EZH1: variants seen among roughly 807,000 people sequenced by gnomAD.
EZH1 encodes enhancer of zeste 1 polycomb repressive complex 2 subunit.
EZH1 carries 33 observed loss-of-function variants against 100.5 expected under a neutral mutation model. The ratio of observed to expected loss-of-function variants is 0.33; its 90% CI spans 0.25 to 0.44. The LOEUF (loss-of-function observed/expected upper bound fraction) is 0.44, where lower values mean the gene tolerates loss of function less well. Among genes scored for constraint, EZH1 ranks in the 20% least tolerant of loss-of-function variants. The pLI is 1.00. For missense variants in EZH1, 475 were observed against 928.4 expected (o/e 0.51, Z 6.35); for synonymous variants, 272 against 313.8 (o/e 0.87, Z 1.41).
intron 12 of EZH1, 73 bp from the exon 13 acceptor site, chr17:42,710,010 G>T: frequency 1.5e-6 from 2 of 1,340,616 alleles, no homozygotes; most frequent in African/African-American, 1.4e-5. Flanking sequence ...CTGGGTGCTG[G>T]CCTTGGGAGG....
At chr17:42,730,718 G>A (rs1016871565) in intron 2 of EZH1, 110 bp downstream of exon 2, 8 of 250,480 alleles carry the variant, frequency 3.2e-5, no homozygotes, top group African/African-American at 1.6e-4. Context: ...GGATGGTCTC[G>A]ATCTCCTGAC....
At chr17:42,728,606 G>A (rs1251764225) in intron 3 of EZH1, among the ~76,000 whole-genome samples, 2 of 151,296 alleles carry the variant, frequency 1.3e-5, no homozygotes, top group Non-Finnish European at 2.9e-5. Context: ...GCCGGGCGTG[G>A]TGGCAGGCGC....
chr17:42,739,792 T>C (rs2054142107), intron 1 of EZH1, among the ~76,000 whole-genome samples: 1 of 152,046 alleles, frequency 6.6e-6, no homozygotes, highest in Non-Finnish European at 1.5e-5. Flanking sequence ...GGATTAGTTT[T>C]TTTTTTTTTG....
intron 1 of EZH1, among the ~76,000 whole-genome samples, chr17:42,737,919 G>A (rs1415984070): frequency 6.6e-6 from 1 of 152,084 alleles, no homozygotes; most frequent in Admixed American, 6.6e-5. Context: ...GCTCACGCCT[G>A]CAATCACAGC....
intron 12 of EZH1, among the ~76,000 whole-genome samples, chr17:42,710,652 G>A (rs1460068523): frequency 2.1e-5 from 3 of 144,464 alleles, no homozygotes; most frequent in East Asian, 4.1e-4. Context: ...TTTTTTAAGA[G>A]AGAGGGTCTC....
chr17:42,742,141 CTT>C (rs781134584), intron 1 of EZH1, among the ~76,000 whole-genome samples: 3 of 141,212 alleles, frequency 2.1e-5, no homozygotes, highest in African/African-American at 5.2e-5. Context: ...TGCTGTCTCT[CTT>C]TTTTTTTTTT....
In EZH1 at chr17:42,710,324, G is replaced by A. The variant is rs139956652; in HGVS notation, c.1402-387C>T. Among the ~76,000 whole-genome samples, 74 of 152,312 alleles carry A rather than the reference G, an allele frequency of 4.9e-4. No individual in the cohort carries two copies. The South Asian group carries it at 7.9e-3, about 16-fold the overall frequency. ...AGGCAGGACAGGACAGGACAGGAAT[G>A]GTTTCAGTGGGCTAAATATTAGCTC... On this transcript the variant is annotated intron_variant, in intron 12 of 20. Transcript: ENST00000428826.
intron 13 of EZH1, 46 bp downstream of exon 13, chr17:42,709,800 G>C: frequency 6.3e-7 from 1 of 1,580,084 alleles, no homozygotes; most frequent in South Asian, 1.1e-5. Context: ...AGAGCACAGG[G>C]AACAGCCTGG....
chr17:42,742,009 G>A (rs1002423945), intron 1 of EZH1, among the ~76,000 whole-genome samples: 1 of 152,090 alleles, frequency 6.6e-6, no homozygotes, highest in Admixed American at 6.6e-5. Context: ...GTTGTTTGAA[G>A]GTATCATCCA....
intron 4 of EZH1, among the ~76,000 whole-genome samples, chr17:42,725,760 C>G (rs1449215366): frequency 1.3e-5 from 2 of 152,204 alleles, no homozygotes; most frequent in African/African-American, 2.4e-5. Context: ...AACTTTAAGA[C>G]AGTGGACATC....
At position 42,728,833 on chromosome 17, in the gene EZH1, C is replaced by T; in HGVS notation, c.109G>A (p.Gly37Ser). 6.2e-7 allele frequency: 1 copy of T among 1,612,760 alleles called. No homozygotes were observed. The highest frequency in any genetic ancestry group is 8.5e-7 in the Non-Finnish European group (1 of 1,179,570). Reference sequence around the variant, plus strand: ...TGGGAATTATTTTTTACCTTTGCACCCATATTTGCCTGAAGCCGTTTAAGT... The same window carrying T: ...TGGGAATTATTTTTTACCTTTGCACTCATATTTGCCTGAAGCCGTTTAAGT... ...RQLKRLQANM[G>S]AKALYVANFA... Residue 37 changes from glycine to serine, a missense_variant, in exon 3 of 21, where the codon GGT becomes AGT. Transcript: ENST00000428826.
chr17:42,715,284 A>AT (rs1475943754), intron 10 of EZH1, among the ~76,000 whole-genome samples: 1 of 144,936 alleles, frequency 6.9e-6, no homozygotes, highest in African/African-American at 2.5e-5. Context: ...ATATATATAT[A>AT]TTTTTTTGAG....
At chr17:42,717,243 C>T (rs1309774546) in intron 10 of EZH1, among the ~76,000 whole-genome samples, 2 of 152,106 alleles carry the variant, frequency 1.3e-5, no homozygotes, top group Admixed American at 6.6e-5. Flanking sequence ...AACCCAATAA[C>T]GTCTATTCTT....
chr17:42,708,166 C>A, intron 14 of EZH1, 83 bp from the exon 15 acceptor site: 1 of 1,479,770 alleles, frequency 6.8e-7, no homozygotes, highest in South Asian at 1.3e-5. Flanking sequence ...TGCCCTGATT[C>A]AGAGGAGGCT....
At chr17:42,742,507 G>C (rs1377363311) in intron 1 of EZH1, among the ~76,000 whole-genome samples, 1 of 152,068 alleles carries the variant, frequency 6.6e-6, no homozygotes, top group Non-Finnish European at 1.5e-5. Flanking sequence ...ACACTTTAAG[G>C]AATTTTAAGC....
At chr17:42,717,859 A>T in intron 10 of EZH1, 117 bp downstream of exon 10, 1 of 874,388 alleles carries the variant, frequency 1.1e-6, no homozygotes, top group Non-Finnish European at 1.8e-6. Context: ...GGAGCTCCTT[A>T]AGAGCAAAAG....
At chr17:42,722,148 C>CA (rs66555154) in intron 6 of EZH1, among the ~76,000 whole-genome samples, 34 of 38,914 alleles carry the variant, frequency 8.7e-4, no homozygotes, top group East Asian at 2.0e-3. Flanking sequence ...GACTCTGTCT[C>CA]AAAAAAAAAA....
rs762694037 is a variant in EZH1, at chr17:42,731,017, C to A, written c.-102-99G>T. ...TTTTCCCCCAGAATCAGAAAGACTTCAAGGTTTCTCCTACTATTTTTGTAT... is the reference window on the plus strand; with the variant it reads ...TTTTCCCCCAGAATCAGAAAGACTTAAAGGTTTCTCCTACTATTTTTGTAT... On this transcript the variant is annotated intron_variant, in intron 1 of 20. Transcript: ENST00000428826. 2.1e-4 allele frequency: 78 copies of A among 368,354 alleles called. 1 individual carries two copies. Among genetic ancestry groups the A allele is most frequent in the Non-Finnish European group, 2.8e-4 (75 of 266,062 alleles). 22.8% of individuals were successfully genotyped at this position (368,354 alleles called of 1,614,324 possible). A position where few individuals can be genotyped will look rare whatever the true frequency, so the allele number is the denominator to read the frequency against.
At chr17:42,717,881 T>G in intron 10 of EZH1, 95 bp downstream of exon 10, 1 of 1,090,762 alleles carries the variant, frequency 9.2e-7, no homozygotes, top group African/African-American at 1.6e-5. Context: ...CATGTTTTAT[T>G]TGTGCTATAT....
Sources: gnomAD v4.1 joint callset for allele counts (sites outside exome capture counted in the v4.1 genomes callset) on GRCh38, gnomAD v4.1.1 for gene constraint, MANE v1.5 for transcripts, NCBI Gene and HGNC (gene_info 2026-07-23, HGNC 2026-07-21) for gene names.